The following RARB variants were observed in gnomAD, a reference collection of about 807,000 sequenced individuals.
RARB encodes the protein HBV-activated protein.
In RARB, 17 loss-of-function variants were observed where a neutral mutation model predicts 51.9. The observed-to-expected ratio is 0.33, with a 90% CI of 0.22 to 0.49. The LOEUF (loss-of-function observed/expected upper bound fraction) is 0.49. Ranked by LOEUF, RARB falls within the 20% of genes least tolerant of loss-of-function variation. The pLI, the probability that RARB is intolerant of heterozygous loss-of-function variation, is 0.99. For synonymous variants in RARB, 215 were observed against 195.4 expected (o/e 1.10, Z -0.84); for missense variants, 369 against 550.8 (o/e 0.67, Z 3.30).
chr3:25,367,858 C>T (rs1706174978), intron 5 of RARB, among the ~76,000 whole-genome samples: 1 of 149,622 alleles, frequency 6.7e-6, no homozygotes, highest in Non-Finnish European at 1.5e-5. Flanking sequence ...TATGGCTATT[C>T]AATTTCATAG....
At chr3:24,896,713 A>G (rs1421486662) in intron 2 of RARB, among the ~76,000 whole-genome samples, 1 of 152,210 alleles carries the variant, frequency 6.6e-6, no homozygotes, top group African/African-American at 2.4e-5. Context: ...ACTGTCAAGA[A>G]TATTGCACTC....
chr3:25,310,841 T>A (rs778963016), intron 5 of RARB, among the ~76,000 whole-genome samples: 1 of 152,212 alleles, frequency 6.6e-6, no homozygotes, highest in Non-Finnish European at 1.5e-5. Context: ...GTGTTTTTAC[T>A]CTGAAGCACT....
intron 4 of RARB, among the ~76,000 whole-genome samples, chr3:25,149,243 C>A (rs928080163): frequency 6.6e-6 from 1 of 152,144 alleles, no homozygotes; most frequent in Non-Finnish European, 1.5e-5. Flanking sequence ...GGAATGGTTT[C>A]TAAAATTTGT....
At chr3:24,893,549 T>C (rs893615352) in intron 2 of RARB, among the ~76,000 whole-genome samples, 1 of 152,156 alleles carries the variant, frequency 6.6e-6, no homozygotes, top group Non-Finnish European at 1.5e-5. Flanking sequence ...AAAGACAGGG[T>C]CTTGCTTTGT....
chr3:25,208,055 G>C (rs774578471), intron 5 of RARB, among the ~76,000 whole-genome samples: 1 of 152,032 alleles, frequency 6.6e-6, no homozygotes, highest in Non-Finnish European at 1.5e-5. Context: ...GCTACGCACC[G>C]TTAAGCAACC....
At chr3:24,965,488 T>C (rs916353662) in intron 2 of RARB, among the ~76,000 whole-genome samples, 2 of 152,098 alleles carry the variant, frequency 1.3e-5, no homozygotes, top group Non-Finnish European at 2.9e-5. Context: ...CAGAGAACCA[T>C]GGTTTTCATC....
intron 3 of RARB, among the ~76,000 whole-genome samples, chr3:25,094,192 G>GGTCT (rs1344337571): frequency 6.6e-6 from 1 of 152,062 alleles, no homozygotes; most frequent in African/African-American, 2.4e-5. Context: ...GCATATAGAA[G>GGTCT]GTCTATTCAA....
chr3:25,201,905 GTT>G (rs1559503138), intron 5 of RARB, among the ~76,000 whole-genome samples: 152 of 151,418 alleles, frequency 1.0e-3, no homozygotes, highest in African/African-American at 3.6e-3. Flanking sequence ...TTTTTGTTGT[GTT>G]TCTTTCTGCC....
At chr3:25,590,512 A>G (rs985199384) in intron 5 of RARB, among the ~76,000 whole-genome samples, 2 of 152,116 alleles carry the variant, frequency 1.3e-5, no homozygotes, top group Non-Finnish European at 2.9e-5. Context: ...TGAGCATACT[A>G]ACTTTGTTGT....
chr3:24,846,339 A>G (rs1477858176), intron 1 of RARB, among the ~76,000 whole-genome samples: 1 of 152,214 alleles, frequency 6.6e-6, no homozygotes, highest in Non-Finnish European at 1.5e-5. Flanking sequence ...CTGGCACTTA[A>G]CATGTGCTTC....
At chr3:25,141,491 C>T (rs1700106360) in intron 4 of RARB, among the ~76,000 whole-genome samples, 1 of 152,136 alleles carries the variant, frequency 6.6e-6, no homozygotes. Flanking sequence ...TTAGGAGAGG[C>T]AGCATCCATG....
intron 2 of RARB, among the ~76,000 whole-genome samples, chr3:25,483,527 CTTTTT>C (rs199602182): frequency 9.7e-5 from 11 of 113,670 alleles, no homozygotes; most frequent in Admixed American, 2.6e-4. Context: ...CATATTTCTT[CTTTTT>C]TTTTTTTTTT....
intron 2 of RARB, among the ~76,000 whole-genome samples, chr3:24,870,011 C>G (rs916818698): frequency 6.6e-6 from 1 of 152,044 alleles, no homozygotes; most frequent in African/African-American, 2.4e-5. Context: ...TATATCACTT[C>G]ATGTTCAGTG....
intron 5 of RARB, among the ~76,000 whole-genome samples, chr3:25,257,855 A>G (rs764512080): frequency 5.9e-5 from 9 of 152,020 alleles, no homozygotes; most frequent in Non-Finnish European, 8.8e-5. Flanking sequence ...ATACCATCCG[A>G]CATTCTCAGC....
chr3:24,948,367 T>C (rs1330615342), intron 2 of RARB, among the ~76,000 whole-genome samples: 2 of 152,176 alleles, frequency 1.3e-5, no homozygotes, highest in Non-Finnish European at 2.9e-5. Context: ...CTAGGTAACA[T>C]TGTTTTCTTT....
chr3:25,299,662 G>C (rs913559250), intron 5 of RARB, among the ~76,000 whole-genome samples: 2 of 151,940 alleles, frequency 1.3e-5, no homozygotes, highest in African/African-American at 4.8e-5. Flanking sequence ...CATACAATTG[G>C]TTTTCTTTAT....
intron 2 of RARB, among the ~76,000 whole-genome samples, chr3:25,052,439 T>G (rs1575137482): frequency 6.6e-6 from 1 of 152,200 alleles, no homozygotes; most frequent in African/African-American, 2.4e-5. Flanking sequence ...TACATTTTAG[T>G]GTAAGTAAAT....
At chr3:24,916,032 C>T (rs534184505) in intron 2 of RARB, among the ~76,000 whole-genome samples, 7 of 152,068 alleles carry the variant, frequency 4.6e-5, no homozygotes, top group South Asian at 4.2e-4. Context: ...AAAAGCCTTA[C>T]GGAAATTGAC....
chr3:24,906,466 T>C (rs563120048), intron 2 of RARB, among the ~76,000 whole-genome samples: 2 of 152,244 alleles, frequency 1.3e-5, no homozygotes, highest in African/African-American at 4.8e-5. Flanking sequence ...CAAAAGTACT[T>C]GAGTGTGAAT....
Sources: gnomAD v4.1 joint callset for allele counts (sites outside exome capture counted in the v4.1 genomes callset) on GRCh38, gnomAD v4.1.1 for gene constraint, MANE v1.5 for transcripts, NCBI Gene and HGNC (gene_info 2026-07-23, HGNC 2026-07-21) for gene names.